NRXN2: variants seen among roughly 807,000 people sequenced by gnomAD.
NRXN2 encodes the protein neurexin 2.
A neutral mutation model predicts 128.8 loss-of-function variants in NRXN2; 29 were observed. The ratio of observed to expected loss-of-function variants is 0.23; its 90% CI spans 0.17 to 0.31. NRXN2 has a LOEUF of 0.31. Among genes scored for constraint, NRXN2 ranks in the 10% least tolerant of loss-of-function variants. NRXN2 has a pLI of 1.00. For missense variants in NRXN2, 1,881 were observed against 2,452.6 expected (o/e 0.77, Z 4.92); for synonymous variants, 1,098 against 1,075.2 (o/e 1.02, Z -0.41).
Position 64,607,742 on chromosome 11 carries a change from T to C in NRXN2, c.4593A>G (p.Lys1531=). The C allele has an allele frequency of 6.4e-7, 1 of 1,573,316 alleles. No homozygotes were observed. The highest frequency in any genetic ancestry group is 1.2e-5 in the South Asian group (1 of 85,798). The change falls in exon 23 of 23, where the codon AAA becomes AAG. Residue 1531 remains lysine, a synonymous_variant. Coordinates refer to ENST00000265459, the MANE Select transcript of NRXN2 (RefSeq NM_015080.4). ...TDRTTLLSPR[K]PAPRPNLRTD... ...TCCTGAGGTTGGGCCGGGGAGCGGG[T>C]TTGCGGGGTGACAGGAGGGTGGTGC...
intron 2 of NRXN2, among the ~76,000 whole-genome samples, chr11:64,703,909 T>C (rs2055839645): frequency 6.6e-6 from 1 of 152,220 alleles, no homozygotes; most frequent in Non-Finnish European, 1.5e-5. Context: ...TGAAGAACAA[T>C]GTGGATAAGT....
intron 9 of NRXN2, among the ~76,000 whole-genome samples, chr11:64,662,043 A>G (rs1415821388): frequency 6.6e-6 from 1 of 150,618 alleles, no homozygotes; most frequent in Non-Finnish European, 1.5e-5. Context: ...ACTTGAGGTC[A>G]GGAGTTCAAG....
At chr11:64,654,624 C>T (rs2047983504) in intron 11 of NRXN2, among the ~76,000 whole-genome samples, 1 of 152,192 alleles carries the variant, frequency 6.6e-6, no homozygotes, top group Admixed American at 6.5e-5. Flanking sequence ...AAGCCTCTGG[C>T]CATCCCTCTG....
Position 64,607,199 on chromosome 11 carries a change from G to A in NRXN2, c.5136C>T (p.Val1712=). Residue 1712 remains valine, a synonymous_variant, in exon 23 of 23, where the codon GTC becomes GTT. Coordinates refer to ENST00000265459, the MANE Select transcript of NRXN2 (RefSeq NM_015080.4). Reference sequence around the variant, plus strand: ...AGTGGGGCGCAGTGCCGGGGGCTCAGACATAATACTCCTTGTCTTTGTTCT... The same window carrying A: ...AGTGGGGCGCAGTGCCGGGGGCTCAAACATAATACTCCTTGTCTTTGTTCT... ...AKKNKDKEYY[V] is the part of the protein sequence containing the mutation. 1.2e-6 allele frequency: 2 copies of A among 1,613,510 alleles called. No homozygotes were observed. The highest frequency in any genetic ancestry group is 1.7e-6 in the Non-Finnish European group (2 of 1,179,776).
chr11:64,704,623 C>CAGAGAGAG (rs61394963), intron 2 of NRXN2, among the ~76,000 whole-genome samples: 2,150 of 81,108 alleles, frequency 0.027, 125 homozygotes, highest in Non-Finnish European at 0.035. Flanking sequence ...CACACACACA[C>CAGAGAGAG]AGAGAGAGAG....
In NRXN2 at chr11:64,635,226, G is replaced by A; in HGVS notation, c.3585+45C>T. On this transcript the variant is annotated intron_variant, in intron 18 of 22. Coordinates refer to ENST00000265459, the MANE Select transcript of NRXN2 (RefSeq NM_015080.4). The surrounding 1 kb of genome is among the most constrained non-coding windows in gnomAD (Gnocchi z 4.8). The stretch of plus-strand genomic sequence containing the variant: ...GCAATGAGGGGCTGAACTGATTTGG[G>A]AGCAGGAAGCTTGAGGTTGAAGGGT... 1 of 1,606,552 alleles carries A rather than the reference G, an allele frequency of 6.2e-7. No individual in the cohort carries two copies. Among genetic ancestry groups the A allele is most frequent in the Non-Finnish European group, 8.5e-7 (1 of 1,175,836 alleles).
At position 64,615,862 on chromosome 11, in the gene NRXN2, GTGTGTGTA is replaced by G. The variant is rs1212562688; in HGVS notation, c.4252+4424_4252+4431del. On this transcript the variant is annotated intron_variant, in intron 22 of 22. Coordinates refer to ENST00000265459, the MANE Select transcript of NRXN2 (RefSeq NM_015080.4). ...TGTGTGTGTGTGTGTGTGTGTGTGT[GTGTGTGTA>G]TGTGTATACCTCTGTACAGGTCTAA... 6.4e-4 allele frequency among the ~76,000 whole-genome samples: 89 copies of G among 140,106 alleles called. 1 individual carries two copies. The South Asian group carries it at 7.3e-3, about 12-fold the overall frequency. 91.9% of individuals were successfully genotyped at this position (140,106 alleles called of 152,430 possible).
chr11:64,623,313 G>T lies in NRXN2; in HGVS notation c.3848-235C>A, dbSNP rs1399215666. Reference sequence around the variant, plus strand: ...ACCCCAGAAGGGGAGGGCACCCAGGGTACACATGGGCTGGGGAAGGGGAGC... The same window carrying T: ...ACCCCAGAAGGGGAGGGCACCCAGGTTACACATGGGCTGGGGAAGGGGAGC... On this transcript the variant is annotated intron_variant, in intron 20 of 22. Transcript: ENST00000265459. This position sits in a 1 kb window ranked among gnomAD's most constrained non-coding sequence, Gnocchi z 4.9. The T allele has an allele frequency of 3.1e-6, 2 of 644,498 alleles. No individual in the cohort carries two copies. The highest frequency in any genetic ancestry group is 2.6e-6 in the Non-Finnish European group (1 of 383,364). The allele number at this position is 644,498 out of a possible 1,614,324, so 39.9% of individuals were successfully genotyped here.
chr11:64,687,326 T>C (rs2053199471), intron 5 of NRXN2, among the ~76,000 whole-genome samples: 1 of 152,122 alleles, frequency 6.6e-6, no homozygotes, highest in Admixed American at 6.5e-5. Flanking sequence ...GGGGGGAGTT[T>C]CGGAGTGCAG....
intron 4 of NRXN2, among the ~76,000 whole-genome samples, chr11:64,691,006 C>T (rs1166601041): frequency 4.6e-5 from 7 of 152,212 alleles, no homozygotes; most frequent in African/African-American, 1.4e-4. Flanking sequence ...ATCCCAAGCT[C>T]CTCTTCTGTT....
intron 22 of NRXN2, among the ~76,000 whole-genome samples, chr11:64,613,356 G>A (rs762839894): frequency 6.6e-6 from 1 of 152,242 alleles, no homozygotes; most frequent in East Asian, 1.9e-4. Context: ...ACATGTGAGT[G>A]CACCACAGGC....
rs1204521129 is a variant in NRXN2, at chr11:64,660,357, C to T, written c.2364G>A (p.Gly788=). Residue 788 remains glycine (G), a synonymous_variant, in exon 11 of 23, where the codon GGG becomes GGA. Coordinates refer to ENST00000265459, the MANE Select transcript of NRXN2 (RefSeq NM_015080.4). This position sits in a 1 kb window ranked among gnomAD's most constrained non-coding sequence, Gnocchi z 5.2. ...ADTLRLELDG[G]QMKLTVNLDC... is the part of the protein sequence containing the mutation. ...CGAGGTTGACAGTGAGCTTCATCTG[C>T]CCCCCATCCAGCTCCAGGCGTAGGG... is the stretch of plus-strand genomic sequence containing the variant. The T allele has an allele frequency of 1.9e-6, 3 of 1,613,894 alleles. No individual in the cohort carries two copies. The highest frequency in any genetic ancestry group is 3.3e-5 in the Admixed American group (2 of 60,022).
intron 15 of NRXN2, 140 bp downstream of exon 15, chr11:64,650,308 A>G (rs2047282338): frequency 1.2e-6 from 1 of 842,228 alleles, no homozygotes; most frequent in Admixed American, 1.8e-5. Flanking sequence ...GTCAGGCTGG[A>G]CATAGTGGAG....
At chr11:64,679,644 A>C (rs1055837848) in intron 6 of NRXN2, among the ~76,000 whole-genome samples, 19 of 152,168 alleles carry the variant, frequency 1.2e-4, no homozygotes, top group African/African-American at 4.6e-4. Context: ...CTCAAAAAAA[A>C]AAAGAATCAG....
rs957724593 is a variant in NRXN2 at position 64,635,403 on chromosome 11, C to T, written c.3453G>A (p.Thr1151=). ...FGKGGALITY[T]WPPNDRPSTR... Reference sequence around the variant, plus strand: ...TGCTGGGCCTGTCATTGGGGGGCCACGTGTAGGTGATGAGCGCTCCCCCCT... The same window carrying T: ...TGCTGGGCCTGTCATTGGGGGGCCATGTGTAGGTGATGAGCGCTCCCCCCT... Residue 1151 remains threonine, a synonymous_variant, in exon 18 of 23, where the codon ACG becomes ACA. Transcript: ENST00000265459. The surrounding 1 kb of genome is among the most constrained non-coding windows in gnomAD (Gnocchi z 4.8). The T allele has an allele frequency of 3.1e-6, 5 of 1,613,772 alleles. No individual in the cohort carries two copies. The highest frequency in any genetic ancestry group is 1.1e-5 in the South Asian group (1 of 91,078).
chr11:64,616,356 A>AC (rs1235254128), intron 22 of NRXN2, among the ~76,000 whole-genome samples: 3 of 152,160 alleles, frequency 2.0e-5, no homozygotes, highest in Non-Finnish European at 4.4e-5. Context: ...ACATGTGGGC[A>AC]CACATGTGCA....
intron 2 of NRXN2, among the ~76,000 whole-genome samples, chr11:64,704,626 A>AGG (rs1279610672): frequency 1.5e-5 from 1 of 66,372 alleles, no homozygotes; most frequent in African/African-American, 9.1e-5. Flanking sequence ...ACACACACAG[A>AGG]GAGAGAGAGA....
intron 1 of NRXN2, among the ~76,000 whole-genome samples, chr11:64,716,989 C>T (rs77290942): frequency 6.6e-6 from 1 of 152,200 alleles, no homozygotes; most frequent in Non-Finnish European, 1.5e-5. Flanking sequence ...AGCCTCCAAC[C>T]CACCCTTCTC....
intron 11 of NRXN2, among the ~76,000 whole-genome samples, chr11:64,656,359 G>A (rs2269730): frequency 0.23 from 34,400 of 152,130 alleles, 4,159 homozygotes; most frequent in East Asian, 0.48. Flanking sequence ...AGATTTCTCC[G>A]TTTGATTCCA....
Sources: gnomAD v4.1 joint callset for allele counts (sites outside exome capture counted in the v4.1 genomes callset) on GRCh38, gnomAD v4.1.1 for gene constraint, Gnocchi (gnomAD v3.1) non-coding constraint, MANE v1.5 for transcripts, NCBI Gene and HGNC (gene_info 2026-07-23, HGNC 2026-07-21) for gene names.